AGO2: variants seen among roughly 807,000 people sequenced by gnomAD.
AGO2 encodes protein argonaute-2.
In AGO2, 5 loss-of-function variants were observed where a neutral mutation model predicts 102.3. The ratio of observed to expected loss-of-function variants is 0.05; its 90% CI spans 0.03 to 0.10. The LOEUF (loss-of-function observed/expected upper bound fraction) is 0.10. AGO2 is among the 10% of genes least tolerant of loss of function. The pLI is 1.00. For synonymous variants in AGO2, 449 were observed against 473.1 expected (o/e 0.95, Z 0.66); for missense variants, 541 against 1,183.7 (o/e 0.46, Z 7.97).
chr8:140,615,557 C>T (rs1459819869), intron 1 of AGO2, among the ~76,000 whole-genome samples: 4 of 152,248 alleles, frequency 2.6e-5, no homozygotes, highest in Non-Finnish European at 5.9e-5. Flanking sequence ...CCTGCCCCAC[C>T]GCCTGGCCAG....
chr8:140,633,756 C>T (rs942683716), intron 1 of AGO2, among the ~76,000 whole-genome samples: 1 of 152,202 alleles, frequency 6.6e-6, no homozygotes, highest in African/African-American at 2.4e-5. Context: ...GAAGTCGGAC[C>T]GATTGTCCTG....
intron 1 of AGO2, among the ~76,000 whole-genome samples, chr8:140,600,604 TG>T (rs1369522047): frequency 6.6e-6 from 1 of 151,092 alleles, no homozygotes; most frequent in South Asian, 2.1e-4. Flanking sequence ...TGCTTGAACC[TG>T]GGAGGCAGTG....
At chr8:140,571,912 T>G (rs561278492) in intron 3 of AGO2, among the ~76,000 whole-genome samples, 1 of 152,286 alleles carries the variant, frequency 6.6e-6, no homozygotes, top group East Asian at 1.9e-4. Flanking sequence ...TTTTATATTT[T>G]TAGTAGAGAC....
chr8:140,561,490 T>C (rs2073201285), intron 4 of AGO2, among the ~76,000 whole-genome samples: 1 of 152,234 alleles, frequency 6.6e-6, no homozygotes, highest in Admixed American at 6.5e-5. Context: ...GTAGATGCCA[T>C]TTTGGCAACC....
intron 11 of AGO2, 50 bp from the exon 12 acceptor site, chr8:140,549,348 C>G: frequency 6.6e-7 from 1 of 1,523,576 alleles, no homozygotes; most frequent in Non-Finnish European, 8.9e-7. Flanking sequence ...TGGCAGAGAA[C>G]TCAGGCCGAC....
intron 1 of AGO2, among the ~76,000 whole-genome samples, chr8:140,600,260 C>A (rs1481811235): frequency 6.6e-6 from 1 of 152,266 alleles, no homozygotes; most frequent in Non-Finnish European, 1.5e-5. Flanking sequence ...ATGAAGTCTA[C>A]TCGAAAGATG....
chr8:140,562,435 C>A lies in AGO2; in HGVS notation c.518+18G>T. On this transcript the variant is annotated intron_variant, in intron 4 of 18. Transcript: ENST00000220592. ...TGCAGGGGAGTCCCCCGCCCTTGGT[C>A]CCGTGTGGCGCCCTCACCTCATGGA... 6.2e-7 allele frequency: 1 copy of A among 1,601,184 alleles called. No homozygotes were observed. Among genetic ancestry groups the A allele is most frequent in the South Asian group, 1.1e-5 (1 of 90,630 alleles).
intron 13 of AGO2, 137 bp downstream of exon 13, chr8:140,547,331 G>T: frequency 9.0e-7 from 1 of 1,112,494 alleles, no homozygotes; most frequent in Non-Finnish European, 1.2e-6. Flanking sequence ...TGACATCTTT[G>T]CTCTGCTGTG....
At chr8:140,617,655 G>A (rs990597007) in intron 1 of AGO2, among the ~76,000 whole-genome samples, 9 of 152,206 alleles carry the variant, frequency 5.9e-5, no homozygotes, top group East Asian at 1.9e-4. Flanking sequence ...ACAGCCACCC[G>A]TGGGCGTGAC....
chr8:140,639,093 TC>T (rs2074427059), upstream of AGO2, among the ~76,000 whole-genome samples: 1 of 152,120 alleles, frequency 6.6e-6, no homozygotes, highest in Non-Finnish European at 1.5e-5. Context: ...GGTTTCAAAT[TC>T]CTGGGCTCAA....
chr8:140,556,147 T>C lies in AGO2; in HGVS notation c.1146+20A>G, dbSNP rs2073091244. 6.2e-7 allele frequency: 1 copy of C among 1,614,100 alleles called. No homozygotes were observed. Among genetic ancestry groups the C allele is most frequent in the South Asian group, 1.1e-5 (1 of 91,072 alleles). On this transcript the variant is annotated intron_variant, in intron 9 of 18. Transcript: ENST00000220592. Reference sequence around the variant, plus strand: ...CGGACTGGATTCCACAGGGCAGCCCTGCCCGGGACTGACACTCACCAATTT... The same window carrying C: ...CGGACTGGATTCCACAGGGCAGCCCCGCCCGGGACTGACACTCACCAATTT...
chr8:140,617,441 C>T (rs555870873), intron 1 of AGO2, among the ~76,000 whole-genome samples: 30 of 152,188 alleles, frequency 2.0e-4, no homozygotes, highest in Middle Eastern at 3.4e-3. Flanking sequence ...TTAGTAGAGA[C>T]GGGGTTTCAC....
chr8:140,551,667 A>ATGGTTGATGGGTGGGTGGG (rs2072999053), intron 10 of AGO2, among the ~76,000 whole-genome samples: 1 of 149,148 alleles, frequency 6.7e-6, no homozygotes. Context: ...GGGTGGGTGG[A>ATGGTTGATGGGTGGGTGGG]TGGTTGATGG....
intron 1 of AGO2, among the ~76,000 whole-genome samples, chr8:140,596,780 G>T (rs962440482): frequency 6.6e-6 from 1 of 152,266 alleles, no homozygotes; most frequent in African/African-American, 2.4e-5. Flanking sequence ...TGCAGGCTGG[G>T]AGGAGTCGGT....
rs1017729565 is a variant in AGO2, at chr8:140,567,213, G to A, written c.337-4579C>T. ...AGAAAGGACAGCAGAGTCACCCCGG[G>A]CTCTGTAACTATCTGCCCATCCCAC... On this transcript the variant is annotated intron_variant, in intron 3 of 18. Coordinates refer to ENST00000220592, the MANE Select transcript of AGO2 (RefSeq NM_012154.5). This position sits in a 1 kb window ranked among gnomAD's most constrained non-coding sequence, Gnocchi z 5.0. Among the ~76,000 whole-genome samples, 4 of 152,248 alleles carry A rather than the reference G, an allele frequency of 2.6e-5. No individual in the cohort carries two copies. The highest frequency in any genetic ancestry group is 9.6e-5 in the African/African-American group (4 of 41,482).
At chr8:140,544,379 CT>C (rs2072857295) in intron 13 of AGO2, 76 bp from the exon 14 acceptor site, 1 of 1,240,856 alleles carries the variant, frequency 8.1e-7, no homozygotes. Flanking sequence ...CCACCATCAC[CT>C]TTTGGAGGTG....
At chr8:140,596,819 G>C (rs1459734031) in intron 1 of AGO2, among the ~76,000 whole-genome samples, 1 of 152,194 alleles carries the variant, frequency 6.6e-6, no homozygotes, top group Non-Finnish European at 1.5e-5. Flanking sequence ...CAAGTGGCCG[G>C]GGTGGGGGAC....
intron 16 of AGO2, among the ~76,000 whole-genome samples, chr8:140,536,576 C>T (rs575958151): frequency 2.0e-5 from 3 of 152,336 alleles, no homozygotes; most frequent in South Asian, 2.1e-4. Flanking sequence ...CTGCCTGCCT[C>T]GGCCTCCCAA....
chr8:140,552,713 A>G (rs2073018763), intron 10 of AGO2, among the ~76,000 whole-genome samples: 1 of 148,668 alleles, frequency 6.7e-6, no homozygotes, highest in Non-Finnish European at 1.5e-5. Context: ...CATGCACATG[A>G]ACACACGCAC....
Sources: gnomAD v4.1 joint callset for allele counts (sites outside exome capture counted in the v4.1 genomes callset) on GRCh38, gnomAD v4.1.1 for gene constraint, Gnocchi (gnomAD v3.1) non-coding constraint, MANE v1.5 for transcripts, NCBI Gene and HGNC (gene_info 2026-07-23, HGNC 2026-07-21) for gene names.